The following EPHA6 variants were observed in gnomAD, a reference collection of about 807,000 sequenced individuals.
The protein encoded by EPHA6 is EPH receptor A6, also known as ephrin type-A receptor 6.
In EPHA6, 50 loss-of-function variants were observed where a neutral mutation model predicts 112.0. The observed-to-expected ratio is 0.45, with a 90% CI of 0.36 to 0.56. The LOEUF is 0.56. Ranked by LOEUF, EPHA6 falls within the 20% of genes least tolerant of loss-of-function variation. EPHA6 has a pLI of 0.00. For missense variants in EPHA6, 1,280 were observed against 1,417.4 expected (o/e 0.90, Z 1.56); for synonymous variants, 529 against 490.7 (o/e 1.08, Z -1.03).
intron 5 of EPHA6, among the ~76,000 whole-genome samples, chr3:97,362,737 G>A (rs893497909): frequency 1.3e-5 from 2 of 151,900 alleles, no homozygotes; most frequent in African/African-American, 4.8e-5. Flanking sequence ...TTAACTTGAA[G>A]GAAAGTCTAT....
At chr3:97,635,853 C>T (rs2093940390) in intron 13 of EPHA6, among the ~76,000 whole-genome samples, 2 of 152,072 alleles carry the variant, frequency 1.3e-5, no homozygotes, top group African/African-American at 4.8e-5. Context: ...CTTTGTGACA[C>T]ACTCGGCATA....
chr3:97,081,381 A>C (rs888359965), intron 3 of EPHA6, among the ~76,000 whole-genome samples: 6 of 152,014 alleles, frequency 3.9e-5, no homozygotes, highest in Admixed American at 3.3e-4. Context: ...GGACAAAAAC[A>C]GCAGTTCAAA....
At chr3:97,412,407 T>G (rs1287533133) in intron 6 of EPHA6, among the ~76,000 whole-genome samples, 1 of 152,056 alleles carries the variant, frequency 6.6e-6, no homozygotes, top group Non-Finnish European at 1.5e-5. Context: ...TTCCTAGTCA[T>G]ACATTTCTGA....
At chr3:97,707,645 T>C (rs2033749384) in intron 14 of EPHA6, among the ~76,000 whole-genome samples, 1 of 152,178 alleles carries the variant, frequency 6.6e-6, no homozygotes, top group Non-Finnish European at 1.5e-5. Context: ...TTACCCCAGC[T>C]TTAAAACCTA....
chr3:97,637,228 G>A, intron 13 of EPHA6, among the ~76,000 whole-genome samples: 1 of 152,086 alleles, frequency 6.6e-6, no homozygotes, highest in Non-Finnish European at 1.5e-5. Context: ...CCAATCAGGA[G>A]CTAAAATTGT....
At chr3:97,013,851 T>A (rs2044173804) in intron 3 of EPHA6, among the ~76,000 whole-genome samples, 1 of 152,178 alleles carries the variant, frequency 6.6e-6, no homozygotes, top group African/African-American at 2.4e-5. Context: ...AAGCATGTTT[T>A]TGCATAGGAG....
intron 12 of EPHA6, among the ~76,000 whole-genome samples, chr3:97,600,539 C>G (rs1052713863): frequency 6.6e-6 from 1 of 152,058 alleles, no homozygotes; most frequent in Non-Finnish European, 1.5e-5. Flanking sequence ...TAAGACTCCT[C>G]ATTATAAACC....
intron 5 of EPHA6, among the ~76,000 whole-genome samples, chr3:97,382,663 A>C (rs2085822337): frequency 6.6e-6 from 1 of 152,026 alleles, no homozygotes; most frequent in Non-Finnish European, 1.5e-5. Context: ...ACTCTTACAA[A>C]GATGGATCAG....
At chr3:97,103,673 T>C (rs1357935693) in intron 3 of EPHA6, among the ~76,000 whole-genome samples, 1 of 151,402 alleles carries the variant, frequency 6.6e-6, no homozygotes, top group Non-Finnish European at 1.5e-5. Context: ...TTGTTATTGT[T>C]GTTCTGTGAA....
At chr3:97,715,022 C>T (rs756737704) in intron 14 of EPHA6, among the ~76,000 whole-genome samples, 1 of 152,172 alleles carries the variant, frequency 6.6e-6, no homozygotes, top group Non-Finnish European at 1.5e-5. Flanking sequence ...ATGCTGTTGT[C>T]TTCTTAAACA....
At chr3:97,707,430 TA>T (rs2033738039) in intron 14 of EPHA6, among the ~76,000 whole-genome samples, 1 of 152,192 alleles carries the variant, frequency 6.6e-6, no homozygotes, top group Admixed American at 6.5e-5. Context: ...AGGCAGACAG[TA>T]AGTGTTATAG....
At chr3:97,381,079 A>T (rs2085700904) in intron 5 of EPHA6, among the ~76,000 whole-genome samples, 1 of 152,056 alleles carries the variant, frequency 6.6e-6, no homozygotes, top group Admixed American at 6.6e-5. Context: ...TAGGAATTCT[A>T]TTAATTTTCA....
At chr3:97,387,726 T>A (rs887896459) in intron 5 of EPHA6, among the ~76,000 whole-genome samples, 2 of 152,190 alleles carry the variant, frequency 1.3e-5, no homozygotes, top group African/African-American at 4.8e-5. Flanking sequence ...TTCCACATTT[T>A]CATGTATCTT....
rs147597222 is a variant in EPHA6 at position 96,890,435 on chromosome 3, A to T, written c.450+23546A>T. On this transcript the variant is annotated intron_variant, in intron 2 of 17. Coordinates refer to ENST00000389672, the MANE Select transcript of EPHA6 (RefSeq NM_001080448.3). ...AAAAGGAACTTAATCTTTAAAATGCATTAAAACTTGAAGATTAGAAGGATT... is the reference window on the plus strand; with the variant it reads ...AAAAGGAACTTAATCTTTAAAATGCTTTAAAACTTGAAGATTAGAAGGATT... 5.6e-3 allele frequency among the ~76,000 whole-genome samples: 846 copies of T among 152,310 alleles called. 6 individuals carry two copies. The highest frequency in any genetic ancestry group is 8.9e-3 in the Non-Finnish European group (608 of 68,026).
intron 2 of EPHA6, among the ~76,000 whole-genome samples, chr3:96,870,507 T>C (rs1489237080): frequency 6.6e-6 from 1 of 152,250 alleles, no homozygotes; most frequent in Non-Finnish European, 1.5e-5. Flanking sequence ...ATTCAAATAC[T>C]AAGCTCTTCC....
chr3:96,950,863 A>G (rs989105804), intron 2 of EPHA6, among the ~76,000 whole-genome samples: 6 of 152,046 alleles, frequency 3.9e-5, no homozygotes, highest in African/African-American at 1.2e-4. Context: ...TTGAACATTT[A>G]AATGTTTTTT....
At chr3:97,054,880 T>G (rs1244806452) in intron 3 of EPHA6, among the ~76,000 whole-genome samples, 1 of 152,060 alleles carries the variant, frequency 6.6e-6, no homozygotes, top group Non-Finnish European at 1.5e-5. Context: ...TTATAAACCT[T>G]TCCAAGGGTA....
At chr3:97,361,741 T>C (rs1481963506) in intron 5 of EPHA6, among the ~76,000 whole-genome samples, 1 of 152,186 alleles carries the variant, frequency 6.6e-6, no homozygotes, top group African/African-American at 2.4e-5. Flanking sequence ...GTGAATGGAT[T>C]AATCCCTTCA....
At chr3:97,387,871 G>T (rs926752972) in intron 5 of EPHA6, among the ~76,000 whole-genome samples, 1 of 152,274 alleles carries the variant, frequency 6.6e-6, no homozygotes. Context: ...GGCTGTTCAG[G>T]ACTCTGATTC....
Sources: allele counts gnomAD v4.1 joint callset (sites outside exome capture counted in the v4.1 genomes callset), GRCh38; gene constraint gnomAD v4.1.1; transcripts MANE v1.5; gene names NCBI Gene and HGNC (gene_info 2026-07-23, HGNC 2026-07-21).